Variants in LRRC41 observed in about 807,000 individuals in gnomAD.
LRRC41 encodes leucine-rich repeat-containing protein 41.
In LRRC41, 17 loss-of-function variants were observed where a neutral mutation model predicts 72.1. The ratio of observed to expected loss-of-function variants is 0.24; its 90% confidence interval spans 0.16 to 0.35. LRRC41 has a LOEUF of 0.35. Ranked by LOEUF, LRRC41 falls within the 10% of genes least tolerant of loss-of-function variation. The probability of loss-of-function intolerance (pLI) is 1.00; values close to 1 mark genes in which losing one functional copy is unlikely to be tolerated. For missense variants in LRRC41, 759 were observed against 1,065.0 expected (o/e 0.71, Z 4.00); for synonymous variants, 427 against 431.0 (o/e 0.99, Z 0.11).
chr1:46,279,627 A>G lies in LRRC41; in HGVS notation c.2021-13T>C. On this transcript the variant is annotated splice_polypyrimidine_tract_variant and intron_variant, in intron 7 of 9. Transcript: ENST00000617190. This position sits in a 1 kb window ranked among gnomAD's most constrained non-coding sequence, Gnocchi z 4.5. ...GAGAAGGTAATCTCTGTCAAGAAAA[A>G]TTATAGTAAATTCTGATGGCTGCAT... 1 of 1,614,174 alleles carries G rather than the reference A, an allele frequency of 6.2e-7. No individual in the cohort carries two copies. The highest frequency in any genetic ancestry group is 8.5e-7 in the Non-Finnish European group (1 of 1,180,024).
rs1356205806 is a variant in LRRC41, at chr1:46,278,816, C to T, written c.*49G>A. ...GGTTCTGGGCAGCCCATGCTTCAGCCCCTGCAAGCTGATGGTACCGAGCAT... is the reference window on the plus strand; with the variant it reads ...GGTTCTGGGCAGCCCATGCTTCAGCTCCTGCAAGCTGATGGTACCGAGCAT... On this transcript the variant is annotated 3_prime_UTR_variant, in exon 10 of 10. Transcript: ENST00000617190. 3.2e-6 allele frequency: 5 copies of T among 1,557,102 alleles called. No homozygotes were observed. In the African/African-American group the frequency reaches 4.1e-5, roughly 13 times the overall value.
chr1:46,297,804 A>G (rs186541178), intron 2 of LRRC41, among the ~76,000 whole-genome samples, 171 bp from the exon 3 acceptor site: 2 of 152,324 alleles, frequency 1.3e-5, no homozygotes, highest in East Asian at 3.9e-4. Flanking sequence ...CACTCCAGCT[A>G]TGTGACTTTG....
In LRRC41 at chr1:46,281,360, C is replaced by G. The variant is rs188536522; in HGVS notation, c.1521G>C (p.Leu507=). The change falls in exon 5 of 10, where the codon CTG becomes CTC. Residue 507 remains leucine, a synonymous_variant. Coordinates refer to ENST00000617190, the MANE Select transcript of LRRC41 (RefSeq NM_006369.5). The stretch of plus-strand genomic sequence containing the variant: ...CTGACAGGGCCCGCAGGCTGTCTAG[C>G]AGGCGGAAGATGTTAGAGCCCAGGC... ...YNGLGSNIFR[L]LDSLRALSGQ... is the part of the protein sequence containing the mutation. 6.2e-7 allele frequency: 1 copy of G among 1,614,054 alleles called. No homozygotes were observed. Among genetic ancestry groups the G allele is most frequent in the East Asian group, 2.2e-5 (1 of 44,894 alleles).
rs754488210 is a variant in LRRC41, at chr1:46,285,940, C to A, written c.917G>T (p.Arg306Leu). 42 of 1,534,574 alleles carry A rather than the reference C, an allele frequency of 2.7e-5. No homozygotes were observed. The highest frequency in any genetic ancestry group is 1.9e-5 in the Non-Finnish European group (22 of 1,142,024). The change falls in exon 4 of 10, where the codon CGT becomes CTT. Residue 306 changes from arginine to leucine, a missense_variant. This residue lies in a region of LRRC41 where 427 missense variants were observed against 520.9 expected (regional missense o/e 0.82). Transcript: ENST00000617190. The surrounding 1 kb of genome is among the most constrained non-coding windows in gnomAD (Gnocchi z 5.3). ...GGGCATCTGCTTGGCTTCACTCTTACGCCGGCTGGCCATCAGGGCTGCAGC... is the reference window on the plus strand; with the variant it reads ...GGGCATCTGCTTGGCTTCACTCTTAAGCCGGCTGGCCATCAGGGCTGCAGC... ...RCAAALMASRRKSEAKQMPRA... is the reference protein window; with the variant it reads ...RCAAALMASRLKSEAKQMPRA...
chr1:46,302,129 G>T lies in LRRC41; in HGVS notation c.199+995C>A. On this transcript the variant is annotated intron_variant, in intron 1 of 9. Transcript: ENST00000617190. This position sits in a 1 kb window ranked among gnomAD's most constrained non-coding sequence, Gnocchi z 4.7. ...GCCGTTCATCCCGGCGCCCCAGGCC[G>T]CCCTCCATCCAGGCCCGGCCCTTTG... 1 of 985,130 alleles carries T rather than the reference G, an allele frequency of 1.0e-6. No individual in the cohort carries two copies. The highest frequency in any genetic ancestry group is 1.2e-6 in the Non-Finnish European group (1 of 829,832). 61.0% of individuals were successfully genotyped at this position (985,130 alleles called of 1,614,324 possible).
At chr1:46,293,610 C>T (rs963750969) in intron 3 of LRRC41, among the ~76,000 whole-genome samples, 1 of 152,086 alleles carries the variant, frequency 6.6e-6, no homozygotes, top group Non-Finnish European at 1.5e-5. Context: ...CTCACTCTCA[C>T]CCAGGCTGGA....
chr1:46,298,425 A>G, intron 1 of LRRC41, 55 bp from the exon 2 acceptor site: 2 of 1,085,348 alleles, frequency 1.8e-6, no homozygotes, highest in Admixed American at 2.1e-5. Context: ...CCCACCCAAG[A>G]GGTTTCCAAG....
chr1:46,300,456 A>AT (rs1418569448), intron 1 of LRRC41: 1 of 152,220 alleles, frequency 6.6e-6, no homozygotes, highest in East Asian at 1.9e-4. Context: ...TTATTTGTAC[A>AT]TAGTAGGTCC....
intron 3 of LRRC41, among the ~76,000 whole-genome samples, chr1:46,296,431 C>A (rs1375369430): frequency 2.6e-5 from 4 of 152,030 alleles, no homozygotes; most frequent in African/African-American, 9.7e-5. Context: ...CAAAACAAAA[C>A]AAAACAAAAC....
At chr1:46,290,716 T>A (rs1376576228) in intron 3 of LRRC41, among the ~76,000 whole-genome samples, 3 of 151,654 alleles carry the variant, frequency 2.0e-5, no homozygotes, top group Non-Finnish European at 4.4e-5. Context: ...AAGCAATTCT[T>A]GTGCCTCAGC....
At chr1:46,281,477 G>T in intron 4 of LRRC41, 92 bp from the exon 5 acceptor site, 1 of 1,257,938 alleles carries the variant, frequency 7.9e-7, no homozygotes, top group Non-Finnish European at 1.1e-6. Flanking sequence ...TTGGTTACTA[G>T]CAAATCTCTT....
intron 4 of LRRC41, chr1:46,284,955 GGTCTGATAAGAAATTGT>G (rs1660854132): frequency 5.3e-6 from 1 of 187,730 alleles, no homozygotes; most frequent in African/African-American, 2.3e-5. Context: ...GCAGGTTGTT[GGTCTGATAAGAAATTGT>G]GTCCCACACC....
At chr1:46,294,719 T>G (rs568072795) in intron 3 of LRRC41, among the ~76,000 whole-genome samples, 6 of 151,256 alleles carry the variant, frequency 4.0e-5, no homozygotes, top group Non-Finnish European at 8.8e-5. Context: ...CTCAGCCTCT[T>G]GAGTAGCTGG....
rs920916638 is a variant in LRRC41 at position 46,302,003 on chromosome 1, A to G, written c.199+1121T>C. ...CACTTTCCCCTCTTTCACTTGCCCCACGTCGGACCCAAGTTTCCCTCGTCA... is the reference window on the plus strand; with the variant it reads ...CACTTTCCCCTCTTTCACTTGCCCCGCGTCGGACCCAAGTTTCCCTCGTCA... On this transcript the variant is annotated intron_variant, in intron 1 of 9. Transcript: ENST00000617190. The surrounding 1 kb of genome is among the most constrained non-coding windows in gnomAD (Gnocchi z 4.7). The G allele has an allele frequency of 4.1e-6, 4 of 984,552 alleles. No homozygotes were observed. The African/African-American group carries it at 7.0e-5, about 17-fold the overall frequency. 61.0% of individuals were successfully genotyped at this position (984,552 alleles called of 1,614,324 possible). A position where few individuals can be genotyped will look rare whatever the true frequency, so the allele number is the denominator to read the frequency against.
In LRRC41 at chr1:46,277,578, G is replaced by A; in HGVS notation, c.*1287C>T. The A allele has an allele frequency of 1.8e-6, 1 of 561,622 alleles. No homozygotes were observed. The highest frequency in any genetic ancestry group is 3.2e-6 in the Non-Finnish European group (1 of 315,378). The allele number at this position is 561,622 out of a possible 1,614,324, so 34.8% of individuals were successfully genotyped here. ...CCTGACGGGATTTAGCCAGGCCCTGGGACCCTTCATTAGTATAGAAAGTAG... is the reference window on the plus strand; with the variant it reads ...CCTGACGGGATTTAGCCAGGCCCTGAGACCCTTCATTAGTATAGAAAGTAG... On this transcript the variant is annotated 3_prime_UTR_variant, in exon 10 of 10. Coordinates refer to ENST00000617190, the MANE Select transcript of LRRC41 (RefSeq NM_006369.5).
At position 46,279,089 on chromosome 1, in the gene LRRC41, T is replaced by C; in HGVS notation, c.2220-5A>G. On this transcript the variant is annotated splice_polypyrimidine_tract_variant and splice_region_variant and intron_variant, in intron 9 of 9. Coordinates refer to ENST00000617190, the MANE Select transcript of LRRC41 (RefSeq NM_006369.5). The surrounding 1 kb of genome is among the most constrained non-coding windows in gnomAD (Gnocchi z 4.5). ...TCTGGCTTGATGCAGTTGGAACTGG[T>C]AGGGTGAGATGGATTAGATATCCAG... is the stretch of plus-strand genomic sequence containing the variant. 6.2e-7 allele frequency: 1 copy of C among 1,609,180 alleles called. No individual in the cohort carries two copies. The highest frequency in any genetic ancestry group is 1.1e-5 in the South Asian group (1 of 90,512).
intron 1 of LRRC41, chr1:46,298,693 A>G: frequency 4.6e-6 from 1 of 217,626 alleles, no homozygotes; most frequent in Non-Finnish European, 9.0e-6. Flanking sequence ...GGCATTGAAA[A>G]GGACCTACTG....
intron 1 of LRRC41, 131 bp from the exon 2 acceptor site, chr1:46,298,501 A>G: frequency 3.3e-6 from 2 of 603,554 alleles, no homozygotes; most frequent in Non-Finnish European, 5.8e-6. Context: ...TGGAACCTCT[A>G]GAAGCTAATC....
chr1:46,277,558 C>T lies in LRRC41; in HGVS notation c.*1307G>A, dbSNP rs576488790. On this transcript the variant is annotated 3_prime_UTR_variant, in exon 10 of 10. Transcript: ENST00000617190. ...GCAGACAAACCTCAGTTCACCCTGA[C>T]GGGATTTAGCCAGGCCCTGGGACCC... is the stretch of plus-strand genomic sequence containing the variant. 76 of 522,796 alleles carry T rather than the reference C, an allele frequency of 1.5e-4. No individual in the cohort carries two copies. The highest frequency in any genetic ancestry group is 5.2e-4 in the Middle Eastern group (1 of 1,908). The allele number at this position is 522,796 out of a possible 1,614,324, so 32.4% of individuals were successfully genotyped here. A position where few individuals can be genotyped will look rare whatever the true frequency, so the allele number is the denominator to read the frequency against.
Sources: allele counts gnomAD v4.1 joint callset (sites outside exome capture counted in the v4.1 genomes callset), GRCh38; gene constraint gnomAD v4.1.1; regional missense constraint gnomAD v4.1.1; non-coding constraint Gnocchi (gnomAD v3.1); transcripts MANE v1.5; gene names NCBI Gene and HGNC (gene_info 2026-07-23, HGNC 2026-07-21).